The following CDK5RAP2 variants were observed in gnomAD, a reference collection of about 807,000 sequenced individuals.
CDK5RAP2 encodes CDK5 regulatory subunit associated protein 2, also known as CDK5 regulatory subunit-associated protein 2.
CDK5RAP2 carries 147 observed loss-of-function variants against 232.9 expected under a neutral mutation model. The ratio of observed to expected loss-of-function variants is 0.63; its 90% CI spans 0.55 to 0.72. CDK5RAP2 has a LOEUF of 0.72. Ranked by LOEUF, CDK5RAP2 falls within the 30% of genes least tolerant of loss-of-function variation. CDK5RAP2 has a pLI of 0.00. For synonymous variants in CDK5RAP2, 833 were observed against 833.7 expected, an observed-to-expected ratio of 1.00 and a Z score of 0.01; for missense variants, 2,195 against 2,231.5, an observed-to-expected ratio of 0.98 and a Z score of 0.33.
At chr9:120,474,768 T>C (rs1036986845) in intron 15 of CDK5RAP2, among the ~76,000 whole-genome samples, 2 of 152,178 alleles carry the variant, frequency 1.3e-5, no homozygotes, top group Non-Finnish European at 2.9e-5. Flanking sequence ...TCACAATGAG[T>C]TTCCTCCCTT....
chr9:120,407,505 A>C, intron 31 of CDK5RAP2: 1 of 531,112 alleles, frequency 1.9e-6, no homozygotes, highest in East Asian at 3.3e-5. Context: ...TTGCACACCA[A>C]ACCCCGAAAT....
Position 120,484,821 on chromosome 9 carries a change from G to A in CDK5RAP2, c.1626+2473C>T, listed in dbSNP as rs1223945065. On this transcript the variant is annotated intron_variant, in intron 14 of 37. Transcript: ENST00000349780. The stretch of plus-strand genomic sequence containing the variant: ...TAGTTCACTCCAGCCTCAAATTCCT[G>A]GGCTCAAGCAATCCTCTTGAGTAGC... Among the ~76,000 whole-genome samples the A allele has an allele frequency of 3.3e-5, 5 of 152,222 alleles. No homozygotes were observed. The South Asian group carries it at 6.2e-4, about 19-fold the overall frequency.
At chr9:120,452,099 C>CA (rs529345026) in intron 21 of CDK5RAP2, among the ~76,000 whole-genome samples, 11 of 151,156 alleles carry the variant, frequency 7.3e-5, no homozygotes, top group Admixed American at 2.0e-4. Flanking sequence ...AAAATTCAAA[C>CA]AAAAAAAACA....
chr9:120,543,412 T>C (rs2041718075), intron 5 of CDK5RAP2, among the ~76,000 whole-genome samples: 1 of 152,218 alleles, frequency 6.6e-6, no homozygotes, highest in Admixed American at 6.5e-5. Flanking sequence ...GTGTCTAGAC[T>C]TCTCATATTC....
intron 8 of CDK5RAP2, among the ~76,000 whole-genome samples, chr9:120,529,769 G>A (rs1173100241): frequency 6.6e-6 from 1 of 152,184 alleles, no homozygotes; most frequent in Non-Finnish European, 1.5e-5. Context: ...TTTTCTTTAA[G>A]CAACTCTTTA....
intron 36 of CDK5RAP2, among the ~76,000 whole-genome samples, chr9:120,391,400 C>A (rs2031962700): frequency 6.6e-6 from 1 of 152,202 alleles, no homozygotes; most frequent in Non-Finnish European, 1.5e-5. Flanking sequence ...CTGGCCCCAG[C>A]ACAGAGCTGG....
At chr9:120,391,103 T>A (rs1367565878) in intron 36 of CDK5RAP2, among the ~76,000 whole-genome samples, 2 of 151,960 alleles carry the variant, frequency 1.3e-5, no homozygotes, top group African/African-American at 4.8e-5. Flanking sequence ...TATCTGGACG[T>A]CCGCATTTTT....
chr9:120,547,111 G>A (rs1588625960), intron 4 of CDK5RAP2, among the ~76,000 whole-genome samples: 1 of 151,544 alleles, frequency 6.6e-6, no homozygotes, highest in Admixed American at 6.6e-5. Context: ...CTCAGCCTCC[G>A]AGTAGCTGGG....
intron 1 of CDK5RAP2, among the ~76,000 whole-genome samples, chr9:120,577,382 T>C (rs1240435924): frequency 2.0e-5 from 3 of 146,968 alleles, no homozygotes; most frequent in Non-Finnish European, 4.5e-5. Flanking sequence ...AAAAAAATCA[T>C]AGAGACAGAA....
At chr9:120,511,456 T>C (rs1477037449) in intron 12 of CDK5RAP2, among the ~76,000 whole-genome samples, 1 of 152,224 alleles carries the variant, frequency 6.6e-6, no homozygotes, top group African/African-American at 2.4e-5. Flanking sequence ...CTTACTGACT[T>C]GGATAACATT....
intron 26 of CDK5RAP2, among the ~76,000 whole-genome samples, chr9:120,420,675 G>A (rs558209645): frequency 2.5e-4 from 38 of 151,222 alleles, no homozygotes; most frequent in African/African-American, 8.3e-4. Flanking sequence ...TTTCTCCCAC[G>A]TCTTCCTATT....
rs13287734 is a variant in CDK5RAP2, at chr9:120,536,487, C to T, written c.547G>A (p.Ala183Thr). ...AGAGCCTTCTCCGTCTCTGTCCCTG[C>T]AAAGGCCTTTTCCAGTTCTGCCTGG... ...AAQAELEKAF[A>T]GTETEKALRL... Residue 183 changes from alanine (A) to threonine (T), a missense_variant, in exon 7 of 38, where the codon GCA (alanine) becomes ACA (threonine). Coordinates refer to ENST00000349780, the MANE Select transcript of CDK5RAP2 (RefSeq NM_018249.6). 1 of 1,614,154 alleles carries T rather than the reference C, an allele frequency of 6.2e-7. No homozygotes were observed.
chr9:120,401,368 G>GT (rs1198515112), intron 34 of CDK5RAP2, among the ~76,000 whole-genome samples: 1 of 152,062 alleles, frequency 6.6e-6, no homozygotes, highest in Admixed American at 6.5e-5. Context: ...AGAAAATTAT[G>GT]TATGTGACTC....
At chr9:120,571,848 C>T (rs1369258889) in intron 2 of CDK5RAP2, 126 bp downstream of exon 2, 2 of 741,698 alleles carry the variant, frequency 2.7e-6, no homozygotes, top group Non-Finnish European at 4.9e-6. Flanking sequence ...AAATACTGAG[C>T]ACCTACGGTG....
chr9:120,548,778 C>T (rs536009091), intron 4 of CDK5RAP2, among the ~76,000 whole-genome samples: 1 of 152,312 alleles, frequency 6.6e-6, no homozygotes, highest in African/African-American at 2.4e-5. Context: ...CACCACTACA[C>T]TCCAGCTCGG....
Position 120,576,262 on chromosome 9 carries a change from G to T in CDK5RAP2, c.59+3658C>A, listed in dbSNP as rs536709162. On this transcript the variant is annotated intron_variant, in intron 1 of 37. Transcript: ENST00000349780. ...AGGATTTCTCTAGAATAGATGACAAGAAGTGGAATTGCTGGGTCAAAATAT... is the reference window on the plus strand; with the variant it reads ...AGGATTTCTCTAGAATAGATGACAATAAGTGGAATTGCTGGGTCAAAATAT... Among the ~76,000 whole-genome samples, 91 of 152,330 alleles carry T rather than the reference G, an allele frequency of 6.0e-4. 1 individual carries two copies. The highest frequency in any genetic ancestry group is 2.1e-3 in the African/African-American group (89 of 41,570).
At chr9:120,530,771 A>G (rs1380023363) in intron 7 of CDK5RAP2, among the ~76,000 whole-genome samples, 4 of 147,676 alleles carry the variant, frequency 2.7e-5, no homozygotes, top group Non-Finnish European at 6.0e-5. Flanking sequence ...AAAACCAAAC[A>G]CTGCGTGTTC....
intron 35 of CDK5RAP2, among the ~76,000 whole-genome samples, chr9:120,398,722 C>T (rs946102002): frequency 3.9e-5 from 6 of 152,162 alleles, no homozygotes; most frequent in Admixed American, 3.9e-4. Flanking sequence ...GTTTATCCTC[C>T]ATTTAAAAAA....
chr9:120,549,771 G>A (rs1039838372), intron 4 of CDK5RAP2, among the ~76,000 whole-genome samples: 14 of 152,192 alleles, frequency 9.2e-5, no homozygotes, highest in Middle Eastern at 3.2e-3. Flanking sequence ...TAGGCTATTG[G>A]TTTTCCTTTA....
Sources: allele counts gnomAD v4.1 joint callset (sites outside exome capture counted in the v4.1 genomes callset), GRCh38; gene constraint gnomAD v4.1.1; transcripts MANE v1.5; gene names NCBI Gene and HGNC (gene_info 2026-07-23, HGNC 2026-07-21).